The following MICU1 variants were observed in gnomAD, a reference collection of about 807,000 sequenced individuals.
The protein encoded by MICU1 is calcium uptake protein 1, mitochondrial.
Under a neutral mutation model 56.8 loss-of-function variants are expected in MICU1, and 45 were observed. The observed-to-expected ratio is 0.79, with a 90% CI of 0.62 to 1.02. The LOEUF (loss-of-function observed/expected upper bound fraction) is 1.02, where lower values mean the gene tolerates loss of function less well. MICU1 is among the 50% of genes least tolerant of loss of function. The pLI is 0.00. For missense variants in MICU1, 504 were observed against 587.1 expected (o/e 0.86, Z 1.46); for synonymous variants, 186 against 195.1 (o/e 0.95, Z 0.39).
intron 10 of MICU1, among the ~76,000 whole-genome samples, chr10:72,394,838 A>G (rs1196728080): frequency 6.6e-6 from 1 of 152,104 alleles, no homozygotes; most frequent in East Asian, 1.9e-4. Context: ...TAAAAAAGAA[A>G]AATTAAATGT....
intron 11 of MICU1, among the ~76,000 whole-genome samples, chr10:72,370,271 G>A (rs1425493980): frequency 6.6e-6 from 1 of 152,042 alleles, no homozygotes; most frequent in East Asian, 1.9e-4. Flanking sequence ...GACACCCAGG[G>A]GCCTGTTGAT....
At chr10:72,559,333 AC>A (rs1165342803) in intron 3 of MICU1, among the ~76,000 whole-genome samples, 1 of 152,200 alleles carries the variant, frequency 6.6e-6, no homozygotes, top group East Asian at 1.9e-4. Flanking sequence ...TTTTTAAAAA[AC>A]AATCTGAAGT....
intron 8 of MICU1, among the ~76,000 whole-genome samples, chr10:72,459,795 G>A (rs185009133): frequency 2.0e-5 from 3 of 152,286 alleles, no homozygotes; most frequent in Admixed American, 2.0e-4. Context: ...CTATTGAGGT[G>A]TCTCATGAAT....
At chr10:72,609,527 G>T (rs1841781968) in intron 1 of MICU1, among the ~76,000 whole-genome samples, 1 of 152,074 alleles carries the variant, frequency 6.6e-6, no homozygotes. Context: ...GAGGTCAGGA[G>T]ATCGAGACCA....
chr10:72,544,640 T>C (rs1016103818), intron 4 of MICU1, among the ~76,000 whole-genome samples: 1 of 152,218 alleles, frequency 6.6e-6, no homozygotes, highest in African/African-American at 2.4e-5. Context: ...TATGCAGAGC[T>C]GGTTACTGCA....
chr10:72,455,350 C>CAA (rs56378605), intron 8 of MICU1, among the ~76,000 whole-genome samples: 1,713 of 44,096 alleles, frequency 0.039, 199 homozygotes, highest in East Asian at 0.18. Flanking sequence ...GACTCTGTCT[C>CAA]AAAAAAAAAA....
chr10:72,604,082 C>CACAT (rs1841620340), intron 1 of MICU1, among the ~76,000 whole-genome samples: 1 of 152,116 alleles, frequency 6.6e-6, no homozygotes, highest in African/African-American at 2.4e-5. Flanking sequence ...CACACACACA[C>CACAT]ATCTGCTAAC....
At chr10:72,599,807 C>T (rs1311954665) in intron 1 of MICU1, among the ~76,000 whole-genome samples, 2 of 152,152 alleles carry the variant, frequency 1.3e-5, no homozygotes, top group African/African-American at 2.4e-5. Context: ...GTTTATCACC[C>T]GCCTATGCAC....
In MICU1 at chr10:72,475,282, G is replaced by C; in HGVS notation, c.751C>G (p.Arg251Gly). 1 of 1,604,380 alleles carries C rather than the reference G, an allele frequency of 6.2e-7. No homozygotes were observed. Among genetic ancestry groups the C allele is most frequent in the Non-Finnish European group, 8.5e-7 (1 of 1,174,928 alleles). Residue 251 changes from arginine (R) to glycine (G), a missense_variant, in exon 8 of 12, where the codon CGC (arginine) becomes GGC (glycine). Transcript: ENST00000361114. ...EEFEQVQSII[R>G]SQTSMGMRHR... is the part of the protein sequence containing the mutation. Reference sequence around the variant, plus strand: ...CGCATACCCATACTGGTTTGGGAGCGAATGATGCTCTGAACCTAATACAGA... The same window carrying C: ...CGCATACCCATACTGGTTTGGGAGCCAATGATGCTCTGAACCTAATACAGA...
At chr10:72,489,788 T>TA (rs1161929841) in intron 6 of MICU1, among the ~76,000 whole-genome samples, 1 of 152,190 alleles carries the variant, frequency 6.6e-6, no homozygotes, top group African/African-American at 2.4e-5. Flanking sequence ...CTTGTTAAAT[T>TA]AAATGATTAC....
chr10:72,385,926 C>T (rs1564839558), intron 10 of MICU1, among the ~76,000 whole-genome samples: 1 of 152,194 alleles, frequency 6.6e-6, no homozygotes, highest in African/African-American at 2.4e-5. Context: ...GCTGTAGTCA[C>T]CTGCTGAGAG....
intron 3 of MICU1, among the ~76,000 whole-genome samples, chr10:72,558,605 T>G (rs1411869568): frequency 6.6e-6 from 1 of 152,148 alleles, no homozygotes; most frequent in African/African-American, 2.4e-5. Flanking sequence ...TTCCGCAGCT[T>G]TGCCCCAGAA....
At chr10:72,588,180 CT>C (rs1841117943) in intron 1 of MICU1, among the ~76,000 whole-genome samples, 1 of 151,978 alleles carries the variant, frequency 6.6e-6, no homozygotes, top group African/African-American at 2.4e-5. Flanking sequence ...CTCTCCTGCT[CT>C]GGCCATGTGA....
chr10:72,601,846 G>A (rs1045412620), intron 1 of MICU1, among the ~76,000 whole-genome samples: 17 of 149,606 alleles, frequency 1.1e-4, no homozygotes, highest in African/African-American at 4.2e-4. Flanking sequence ...GTCACCCAGG[G>A]TGGAGTGCAG....
At chr10:72,563,727 T>A (rs1348219909) in intron 2 of MICU1, among the ~76,000 whole-genome samples, 1 of 152,190 alleles carries the variant, frequency 6.6e-6, no homozygotes, top group Non-Finnish European at 1.5e-5. Flanking sequence ...GAAGCCCTCA[T>A]CCACACGTCT....
At chr10:72,429,995 G>A (rs1179372888) in intron 8 of MICU1, among the ~76,000 whole-genome samples, 4 of 152,166 alleles carry the variant, frequency 2.6e-5, no homozygotes, top group South Asian at 2.1e-4. Context: ...TAAAGTCAAC[G>A]TGAATCATGT....
chr10:72,497,643 A>G (rs1002060981), intron 6 of MICU1, among the ~76,000 whole-genome samples: 4 of 152,200 alleles, frequency 2.6e-5, no homozygotes, highest in African/African-American at 9.7e-5. Flanking sequence ...GACAGAGCAG[A>G]GGCTGAGGAA....
intron 3 of MICU1, among the ~76,000 whole-genome samples, chr10:72,555,781 CTG>C (rs1040674294): frequency 6.6e-6 from 1 of 152,178 alleles, no homozygotes; most frequent in African/African-American, 2.4e-5. Context: ...CCACAGGCCT[CTG>C]TTTCAAAGGC....
At chr10:72,378,016 A>G (rs7067565) in intron 10 of MICU1, among the ~76,000 whole-genome samples, 77,971 of 152,080 alleles carry the variant, frequency 0.51, 21,621 homozygotes, top group Non-Finnish European at 0.64. Flanking sequence ...TTGGGAGGCC[A>G]AGGCTGATGG....
Sources: allele counts gnomAD v4.1 joint callset (sites outside exome capture counted in the v4.1 genomes callset), GRCh38; gene constraint gnomAD v4.1.1; transcripts MANE v1.5; gene names NCBI Gene and HGNC (gene_info 2026-07-23, HGNC 2026-07-21).